Variants in MAMDC2 observed in about 807,000 individuals in gnomAD.
The protein encoded by MAMDC2 is MAM domain-containing protein 2.
In MAMDC2, 57 loss-of-function variants were observed where a neutral mutation model predicts 89.8. That is an observed-to-expected ratio of 0.63 (90% CI 0.51 to 0.79). The LOEUF (loss-of-function observed/expected upper bound fraction) is 0.79. Among genes scored for constraint, MAMDC2 ranks in the 30% least tolerant of loss-of-function variants. MAMDC2 has a pLI of 0.00. For missense variants in MAMDC2, 800 were observed against 820.6 expected (o/e 0.97, Z 0.31); for synonymous variants, 313 against 293.4 (o/e 1.07, Z -0.68).
At chr9:70,154,032 T>C (rs569051876) in intron 9 of MAMDC2, 6 of 152,352 alleles carry the variant, frequency 3.9e-5, no homozygotes, top group African/African-American at 9.6e-5. Context: ...TTTAACCTTG[T>C]TAAAGGGTGG....
At chr9:70,202,360 G>T (rs1202716355) in intron 11 of MAMDC2, among the ~76,000 whole-genome samples, 3 of 152,042 alleles carry the variant, frequency 2.0e-5, no homozygotes, top group African/African-American at 7.2e-5. Context: ...GTAGTTGAGC[G>T]GCTTTGAGTG....
chr9:70,197,519 G>T (rs1162037547), intron 11 of MAMDC2, among the ~76,000 whole-genome samples: 1 of 152,046 alleles, frequency 6.6e-6, no homozygotes, highest in Non-Finnish European at 1.5e-5. Context: ...AGCTGTGTGG[G>T]TATTACTGAA....
At chr9:70,153,879 AG>A (rs2031660177) in intron 9 of MAMDC2, 1 of 152,186 alleles carries the variant, frequency 6.6e-6, no homozygotes, top group Admixed American at 6.5e-5. Flanking sequence ...AAATGCCTTG[AG>A]ATATTCCATT....
chr9:70,139,119 TTTATTA>T (rs910085982), intron 7 of MAMDC2, among the ~76,000 whole-genome samples: 150 of 151,140 alleles, frequency 9.9e-4, no homozygotes, highest in Middle Eastern at 3.4e-3. Flanking sequence ...TTTTTATTTA[TTTATTA>T]TTATTATTAT....
intron 9 of MAMDC2, among the ~76,000 whole-genome samples, chr9:70,146,260 C>T (rs960946328): frequency 2.0e-5 from 3 of 152,164 alleles, no homozygotes; most frequent in African/African-American, 7.2e-5. Flanking sequence ...GCACAGTTCC[C>T]CACAACCACT....
At chr9:70,224,000 T>C (rs1262961380) in intron 12 of MAMDC2, among the ~76,000 whole-genome samples, 3 of 152,174 alleles carry the variant, frequency 2.0e-5, no homozygotes, top group African/African-American at 7.2e-5. Flanking sequence ...ATTCAGAATA[T>C]AATTCCTTCA....
intron 9 of MAMDC2, among the ~76,000 whole-genome samples, chr9:70,167,520 CTGTT>C (rs1425878572): frequency 6.6e-6 from 1 of 151,982 alleles, no homozygotes; most frequent in East Asian, 1.9e-4. Flanking sequence ...CATCCTTTGT[CTGTT>C]TGAATTAGAT....
At chr9:70,169,414 T>G (rs2032266012) in intron 10 of MAMDC2, among the ~76,000 whole-genome samples, 1 of 152,190 alleles carries the variant, frequency 6.6e-6, no homozygotes, top group African/African-American at 2.4e-5. Context: ...GGACATCCAT[T>G]TCTTTGACAC....
chr9:70,044,843 C>A, intron 2 of MAMDC2, 146 bp downstream of exon 2: 1 of 730,684 alleles, frequency 1.4e-6, no homozygotes, highest in Non-Finnish European at 2.3e-6. Context: ...AAGCCCTCAG[C>A]TGTGCTGCAA....
intron 11 of MAMDC2, among the ~76,000 whole-genome samples, chr9:70,179,554 T>A (rs1587548132): frequency 3.3e-5 from 4 of 120,304 alleles, no homozygotes; most frequent in African/African-American, 9.1e-5. Flanking sequence ...TAAATAAAAA[T>A]AAAATAAAAT....
At chr9:70,180,518 C>T (rs1044118665) in intron 11 of MAMDC2, among the ~76,000 whole-genome samples, 1 of 152,196 alleles carries the variant, frequency 6.6e-6, no homozygotes, top group Non-Finnish European at 1.5e-5. Flanking sequence ...CATCCTCTCT[C>T]TACATCTGTT....
intron 11 of MAMDC2, among the ~76,000 whole-genome samples, chr9:70,192,827 G>A (rs115659226): frequency 5.9e-5 from 9 of 152,206 alleles, no homozygotes; most frequent in African/African-American, 1.7e-4. Flanking sequence ...AGGCAAGTGG[G>A]AATTTATAGT....
At chr9:70,155,263 A>C (rs2031719327) in intron 9 of MAMDC2, among the ~76,000 whole-genome samples, 2 of 152,120 alleles carry the variant, frequency 1.3e-5, no homozygotes, top group African/African-American at 4.8e-5. Flanking sequence ...TTTCACTCGC[A>C]AATTTCCAAC....
Position 70,109,732 on chromosome 9 carries a change from G to A in MAMDC2, c.433G>A (p.Gly145Ser), listed in dbSNP as rs981890013. The change falls in exon 4 of 14, where the codon GGT becomes AGT. Residue 145 changes from glycine to serine, a missense_variant. Gly to Ser is a moderately conservative substitution (Grantham distance 56). Coordinates refer to ENST00000377182, the MANE Select transcript of MAMDC2 (RefSeq NM_153267.5). ...ATATGTTGTGCAGATTTTAATAGAA[G>A]GTGTACTAGGACAGGGAAACACAGC... ...SSKKFKILIE[G>S]VLGQGNTASI... 5 of 1,613,238 alleles carry A rather than the reference G, an allele frequency of 3.1e-6. No individual in the cohort carries two copies. The African/African-American group carries it at 6.7e-5, about 22-fold the overall frequency.
chr9:70,197,550 T>C (rs1208029154), intron 11 of MAMDC2, among the ~76,000 whole-genome samples: 1 of 152,084 alleles, frequency 6.6e-6, no homozygotes, highest in Non-Finnish European at 1.5e-5. Flanking sequence ...GTGTTTCACA[T>C]TGCACAGACA....
chr9:70,211,678 C>G (rs568246164), intron 11 of MAMDC2, among the ~76,000 whole-genome samples: 1 of 152,198 alleles, frequency 6.6e-6, no homozygotes, highest in African/African-American at 2.4e-5. Flanking sequence ...TGAGGAGCTA[C>G]GTTCCTCTGG....
intron 11 of MAMDC2, among the ~76,000 whole-genome samples, chr9:70,211,742 T>G (rs1210310792): frequency 6.6e-6 from 1 of 152,242 alleles, no homozygotes; most frequent in Non-Finnish European, 1.5e-5. Flanking sequence ...CTCTGGTTTC[T>G]CCCTATCTTT....
intron 2 of MAMDC2, among the ~76,000 whole-genome samples, chr9:70,051,441 T>C (rs1826891250): frequency 6.6e-6 from 1 of 152,224 alleles, no homozygotes; most frequent in African/African-American, 2.4e-5. Flanking sequence ...CAGAGGACTT[T>C]ATGCTTTTGT....
chr9:70,195,010 T>C (rs978278526), intron 11 of MAMDC2, among the ~76,000 whole-genome samples: 5 of 152,238 alleles, frequency 3.3e-5, no homozygotes, highest in African/African-American at 4.8e-5. Context: ...AACCAGTACA[T>C]CAAAACCATT....
Sources: allele counts gnomAD v4.1 joint callset (sites outside exome capture counted in the v4.1 genomes callset), GRCh38; gene constraint gnomAD v4.1.1; transcripts MANE v1.5; gene names NCBI Gene and HGNC (gene_info 2026-07-23, HGNC 2026-07-21).